The following SIPA1L2 variants were observed in gnomAD, a reference collection of about 807,000 sequenced individuals.
The protein encoded by SIPA1L2 is signal induced proliferation associated 1 like 2.
Under a neutral mutation model 163.9 loss-of-function variants are expected in SIPA1L2, and 56 were observed. The observed-to-expected ratio is 0.34, with a 90% confidence interval of 0.28 to 0.43. SIPA1L2 has a LOEUF of 0.43. SIPA1L2 is among the 20% of genes least tolerant of loss of function. The probability of loss-of-function intolerance (pLI) is 1.00; values close to 1 mark genes in which losing one functional copy is unlikely to be tolerated. For synonymous variants in SIPA1L2, 877 were observed against 865.7 expected, an observed-to-expected ratio of 1.01 and a Z score of -0.23; for missense variants, 1,974 against 2,193.5, an observed-to-expected ratio of 0.90 and a Z score of 2.00.
chr1:232,464,995 T>C lies in SIPA1L2; in HGVS notation c.2665A>G (p.Lys889Glu). The change falls in exon 9 of 23, where the codon AAG becomes GAG. Residue 889 changes from lysine to glutamate, a missense_variant. Transcript: ENST00000674635. ...EFIMLIEKDS[K>E]NVVFNCSCRD... ...CAGGAACAGTTGAATACAACATTCTTGGAATCCTTTTCAATCAACATGATG... is the reference window on the plus strand; with the variant it reads ...CAGGAACAGTTGAATACAACATTCTCGGAATCCTTTTCAATCAACATGATG... The C allele has an allele frequency of 6.2e-7, 1 of 1,614,182 alleles. No individual in the cohort carries two copies. The highest frequency in any genetic ancestry group is 1.1e-5 in the South Asian group (1 of 91,080).
At chr1:232,511,055 C>G (rs916473637) in intron 3 of SIPA1L2, among the ~76,000 whole-genome samples, 1 of 152,102 alleles carries the variant, frequency 6.6e-6, no homozygotes, top group Non-Finnish European at 1.5e-5. Context: ...AATTAGGAAG[C>G]CTATCTCTCC....
chr1:232,600,651 T>C (rs1340343425), intron 1 of SIPA1L2, among the ~76,000 whole-genome samples: 1 of 152,170 alleles, frequency 6.6e-6, no homozygotes, highest in African/African-American at 2.4e-5. Context: ...TTGGATGACA[T>C]AATGTGGTTT....
In SIPA1L2 at chr1:232,398,488, C is replaced by T. The variant is rs146209636; in HGVS notation, c.*639G>A. On this transcript the variant is annotated 3_prime_UTR_variant, in exon 23 of 23. Transcript: ENST00000674635. Reference sequence around the variant, plus strand: ...TCAGAACACTGTTAATATTCAGGCACCATTTGTTCCTGCAAATAAATAAGT... The same window carrying T: ...TCAGAACACTGTTAATATTCAGGCATCATTTGTTCCTGCAAATAAATAAGT... The T allele has an allele frequency of 6.6e-6, 1 of 152,124 alleles. No individual in the cohort carries two copies. Among genetic ancestry groups the T allele is most frequent in the Admixed American group, 6.6e-5 (1 of 15,206 alleles). 9.4% of individuals were successfully genotyped at this position (152,124 alleles called of 1,614,324 possible). A position where few individuals can be genotyped will look rare whatever the true frequency, so the allele number is the denominator to read the frequency against.
At chr1:232,487,317 T>C (rs544312177) in intron 5 of SIPA1L2, among the ~76,000 whole-genome samples, 31 of 152,268 alleles carry the variant, frequency 2.0e-4, no homozygotes, top group African/African-American at 7.5e-4. Flanking sequence ...TATCTTTGAG[T>C]GTGCAATAAA....
At position 232,465,205 on chromosome 1, in the gene SIPA1L2, T is replaced by C. The variant is rs76102979; in HGVS notation, c.2455A>G (p.Thr819Ala). The C allele has an allele frequency of 4.0e-5, 65 of 1,614,036 alleles. No homozygotes were observed. The highest frequency in any genetic ancestry group is 5.1e-5 in the Non-Finnish European group (60 of 1,180,040). The change falls in exon 9 of 23, where the codon ACC (threonine) becomes GCC (alanine). Residue 819 changes from threonine (T) to alanine (A), a missense_variant. Thr to Ala is a moderately conservative substitution (Grantham distance 58). This residue lies in a region of SIPA1L2 where 288 missense variants were observed against 418.9 expected (regional missense o/e 0.69). Transcript: ENST00000674635. This position sits in a 1 kb window ranked among gnomAD's most constrained non-coding sequence, Gnocchi z 4.1. Reference protein sequence around the residue: ...LKDLAENFVTTATVDTSVKFS... With the variant: ...LKDLAENFVTAATVDTSVKFS... ...TTCACAGAGGTATCCACGGTGGCGG[T>C]TGTGACAAAGTTCTCCGCCAGATCT...
At chr1:232,512,516 T>A (rs1667025741) in intron 3 of SIPA1L2, among the ~76,000 whole-genome samples, 1 of 152,090 alleles carries the variant, frequency 6.6e-6, no homozygotes. Context: ...ACCATACATA[T>A]ACACCATGGA....
At chr1:232,597,630 C>T (rs926210387) in intron 1 of SIPA1L2, among the ~76,000 whole-genome samples, 118 of 139,866 alleles carry the variant, frequency 8.4e-4, no homozygotes, top group African/African-American at 3.0e-3. Context: ...GCAGAGGTTG[C>T]AGTGAGCCGA....
At chr1:232,438,450 A>G (rs1662692579) in intron 15 of SIPA1L2, among the ~76,000 whole-genome samples, 1 of 152,268 alleles carries the variant, frequency 6.6e-6, no homozygotes, top group African/African-American at 2.4e-5. Context: ...TGAAGGCAGA[A>G]ATCGCAAATT....
At chr1:232,505,674 C>A (rs1666696853) in intron 3 of SIPA1L2, among the ~76,000 whole-genome samples, 1 of 152,108 alleles carries the variant, frequency 6.6e-6, no homozygotes, top group South Asian at 2.1e-4. Context: ...CACATGGAGC[C>A]CGTGCGACCA....
rs113574721 is a variant in SIPA1L2 at position 232,564,127 on chromosome 1, G to A, written c.-270+10047C>T. ...CATCATGTTGGCCAGACTGAACGACGAAGGTTGTTTTTTTTTTTTTTCGTG... is the reference window on the plus strand; with the variant it reads ...CATCATGTTGGCCAGACTGAACGACAAAGGTTGTTTTTTTTTTTTTTCGTG... On this transcript the variant is annotated intron_variant, in intron 2 of 22. Coordinates refer to ENST00000674635, the MANE Select transcript of SIPA1L2 (RefSeq NM_020808.5). Among the ~76,000 whole-genome samples the A allele has an allele frequency of 6.1e-4, 50 of 81,536 alleles. 1 individual carries two copies. Among genetic ancestry groups the A allele is most frequent in the South Asian group, 3.1e-3 (6 of 1,952 alleles). 53.5% of individuals were successfully genotyped at this position (81,536 alleles called of 152,430 possible). A position where few individuals can be genotyped will look rare whatever the true frequency, so the allele number is the denominator to read the frequency against.
intron 2 of SIPA1L2, among the ~76,000 whole-genome samples, chr1:232,539,122 G>A (rs57331918): frequency 6.6e-6 from 1 of 152,120 alleles, no homozygotes; most frequent in African/African-American, 2.4e-5. Flanking sequence ...CATCATCTTC[G>A]GTTCACAATC....
chr1:232,573,187 C>A (rs1338796756), intron 2 of SIPA1L2, among the ~76,000 whole-genome samples: 2 of 152,070 alleles, frequency 1.3e-5, no homozygotes, highest in Admixed American at 1.3e-4. Context: ...AGGGACACAG[C>A]AACTAAATGC....
intron 10 of SIPA1L2, among the ~76,000 whole-genome samples, chr1:232,446,310 G>A (rs1378893268): frequency 6.6e-6 from 1 of 152,164 alleles, no homozygotes; most frequent in African/African-American, 2.4e-5. Flanking sequence ...CAGTTACTCA[G>A]CAGGACCAAG....
rs747384542 is a variant in SIPA1L2, at chr1:232,493,574, T to C, written c.1570A>G (p.Lys524Glu). The change falls in exon 4 of 23, where the codon AAA becomes GAA. Residue 524 changes from lysine (K) to glutamate (E), a missense_variant. Lys to Glu is a moderately conservative substitution (Grantham distance 56). Transcript: ENST00000674635. Reference protein sequence around the residue: ...RREKVEDAKEKEGSQFNYRVA... With the variant: ...RREKVEDAKEEEGSQFNYRVA... ...CTGTAGTTGAACTGGGATCCTTCTT[T>C]CTCCTTGGCATCTTCCACCTTCTCT... 6.2e-7 allele frequency: 1 copy of C among 1,614,104 alleles called. No individual in the cohort carries two copies. The highest frequency in any genetic ancestry group is 1.1e-5 in the South Asian group (1 of 91,080).
intron 19 of SIPA1L2, among the ~76,000 whole-genome samples, chr1:232,409,830 A>C (rs1175276493): frequency 6.6e-6 from 1 of 152,204 alleles, no homozygotes; most frequent in Admixed American, 6.5e-5. Context: ...CCAGAGAATC[A>C]TAAGAAATAA....
intron 6 of SIPA1L2, among the ~76,000 whole-genome samples, chr1:232,480,344 A>G (rs1665283554): frequency 6.6e-6 from 1 of 152,192 alleles, no homozygotes; most frequent in African/African-American, 2.4e-5. Context: ...TTTCAACAGG[A>G]AGTACATTGA....
At chr1:232,623,135 C>G (rs1002230220) in intron 1 of SIPA1L2, among the ~76,000 whole-genome samples, 7 of 152,220 alleles carry the variant, frequency 4.6e-5, no homozygotes, top group Admixed American at 4.6e-4. Flanking sequence ...TCTCTCCTCA[C>G]TCATTCCCAA....
At chr1:232,434,791 T>C (rs1230280866) in intron 15 of SIPA1L2, among the ~76,000 whole-genome samples, 3 of 152,180 alleles carry the variant, frequency 2.0e-5, no homozygotes, top group Non-Finnish European at 4.4e-5. Context: ...ATACCCTTTT[T>C]CAAGATCCAC....
intron 1 of SIPA1L2, among the ~76,000 whole-genome samples, chr1:232,607,845 C>T (rs1274308184): frequency 2.0e-5 from 3 of 151,206 alleles, no homozygotes; most frequent in Non-Finnish European, 2.9e-5. Flanking sequence ...CACCTTAGGT[C>T]AGGAGTTTGA....
Sources: allele counts gnomAD v4.1 joint callset (sites outside exome capture counted in the v4.1 genomes callset), GRCh38; gene constraint gnomAD v4.1.1; regional missense constraint gnomAD v4.1.1; non-coding constraint Gnocchi (gnomAD v3.1); transcripts MANE v1.5; gene names NCBI Gene and HGNC (gene_info 2026-07-23, HGNC 2026-07-21).